The following TRDN variants were observed in gnomAD, a reference collection of about 807,000 sequenced individuals.
TRDN encodes triadin, also known as triadin in skeletal muscle.
A neutral mutation model predicts 149.7 loss-of-function variants in TRDN; 161 were observed. The ratio of observed to expected loss-of-function variants is 1.08; its 90% CI spans 0.95 to 1.23. The LOEUF is 1.23. Among genes scored for constraint, TRDN ranks in the 50% most tolerant of loss-of-function variants. TRDN has a pLI of 0.00. For synonymous variants in TRDN, 294 were observed against 250.5 expected (o/e 1.17, Z -1.64); for missense variants, 896 against 823.5 (o/e 1.09, Z -1.08).
chr6:123,288,132 A>G (rs1400331144), intron 24 of TRDN, among the ~76,000 whole-genome samples: 1 of 152,104 alleles, frequency 6.6e-6, no homozygotes, highest in Non-Finnish European at 1.5e-5. Context: ...CCAAAAACAC[A>G]CAATAGGAAA....
chr6:123,558,974 CA>C (rs1452935833), intron 2 of TRDN, among the ~76,000 whole-genome samples: 3 of 152,244 alleles, frequency 2.0e-5, no homozygotes, highest in Admixed American at 1.3e-4. Flanking sequence ...TCCTCCTAAG[CA>C]GTGTGCCATC....
intron 9 of TRDN, among the ~76,000 whole-genome samples, chr6:123,486,806 A>G (rs1028005872): frequency 2.0e-5 from 3 of 151,944 alleles, no homozygotes; most frequent in Non-Finnish European, 4.4e-5. Flanking sequence ...ATCTACATCT[A>G]CTAGGAACTT....
At chr6:123,579,247 T>C (rs760923826) in intron 1 of TRDN, among the ~76,000 whole-genome samples, 6 of 152,196 alleles carry the variant, frequency 3.9e-5, no homozygotes, top group Non-Finnish European at 7.3e-5. Flanking sequence ...TTCCAGATTT[T>C]GCCCCATCAG....
At chr6:123,590,770 A>T (rs1024480714) in intron 1 of TRDN, among the ~76,000 whole-genome samples, 2 of 152,144 alleles carry the variant, frequency 1.3e-5, no homozygotes, top group Non-Finnish European at 2.9e-5. Context: ...CTCAAAAAAA[A>T]TAATAATGAT....
intron 7 of TRDN, among the ~76,000 whole-genome samples, chr6:123,506,681 G>C (rs1163875586): frequency 6.6e-6 from 1 of 151,846 alleles, no homozygotes; most frequent in Admixed American, 6.6e-5. Flanking sequence ...TAGAGATGGG[G>C]TTTCACCATG....
At chr6:123,418,126 G>A (rs1244120105) in intron 12 of TRDN, among the ~76,000 whole-genome samples, 1 of 152,124 alleles carries the variant, frequency 6.6e-6, no homozygotes, top group African/African-American at 2.4e-5. Flanking sequence ...TGACCCAGAG[G>A]TAGCTTGTCA....
chr6:123,572,128 A>G (rs1224565643), intron 1 of TRDN, among the ~76,000 whole-genome samples: 1 of 152,080 alleles, frequency 6.6e-6, no homozygotes, highest in East Asian at 1.9e-4. Context: ...TGATGTTTAA[A>G]ATTTTTGCAA....
chr6:123,233,274 C>G lies in TRDN; in HGVS notation c.1976-9143G>C, dbSNP rs76528631. 5.5e-3 allele frequency among the ~76,000 whole-genome samples: 836 copies of G among 152,138 alleles called. 28 individuals are homozygous for G. In the South Asian group the frequency reaches 0.077, roughly 14 times the overall value. On this transcript the variant is annotated intron_variant, in intron 38 of 40. Transcript: ENST00000334268. ...TTTAGCTCTCAGGTGTGAGAAGCTCCTTCAATATGTGCTATTATTTAAAGT... is the reference window on the plus strand; with the variant it reads ...TTTAGCTCTCAGGTGTGAGAAGCTCGTTCAATATGTGCTATTATTTAAAGT...
At chr6:123,300,911 G>A (rs1350727356) in intron 24 of TRDN, among the ~76,000 whole-genome samples, 1 of 135,108 alleles carries the variant, frequency 7.4e-6, no homozygotes, top group Non-Finnish European at 1.5e-5. Context: ...CCCTTTTAAC[G>A]AATTAAGAAA....
intron 12 of TRDN, among the ~76,000 whole-genome samples, chr6:123,429,675 G>A (rs879926420): frequency 2.6e-5 from 4 of 151,966 alleles, no homozygotes; most frequent in Admixed American, 6.6e-5. Context: ...AAAAATAACT[G>A]GTGTCTAACT....
At position 123,475,847 on chromosome 6, in the gene TRDN, G is replaced by A. The variant is rs943826786; in HGVS notation, c.854-10864C>T. Among the ~76,000 whole-genome samples the A allele has an allele frequency of 4.6e-5, 7 of 152,150 alleles. No homozygotes were observed. The East Asian group carries it at 5.8e-4, about 13-fold the overall frequency. On this transcript the variant is annotated intron_variant, in intron 9 of 40. Transcript: ENST00000334268. ...AATAGATGCAGAAAAAGCCTTCAAC[G>A]AAATTCAGCAACCCGTCATGCTAAA...
At position 123,338,772 on chromosome 6, in the gene TRDN, T is replaced by C. The variant is rs923504829; in HGVS notation, c.1370-1103A>G. On this transcript the variant is annotated intron_variant, in intron 21 of 40. Coordinates refer to ENST00000334268, the MANE Select transcript of TRDN (RefSeq NM_006073.4). ...ACTAAGTTTTGAAATGGCCTGTATG[T>C]AGAAATAGTTGTGAAAAGGTAGTTA... 3.9e-4 allele frequency among the ~76,000 whole-genome samples: 60 copies of C among 152,154 alleles called. 1 individual carries two copies. The highest frequency in any genetic ancestry group is 3.9e-3 in the Admixed American group (60 of 15,256).
At position 123,266,643 on chromosome 6, in the gene TRDN, AT is replaced by A. The variant is rs1441437499; in HGVS notation, c.1783+1063del. Among the ~76,000 whole-genome samples the A allele has an allele frequency of 2.0e-4, 5 of 24,732 alleles. 2 individuals are homozygous for A. The highest frequency in any genetic ancestry group is 2.6e-3 in the Admixed American group (2 of 770). The allele number at this position is 24,732 out of a possible 152,430, so 16.2% of individuals were successfully genotyped here. ...TAATATATATTATAATATGTATTATATTATAATAATATGTATAATATGTATA... is the reference window on the plus strand; with the variant it reads ...TAATATATATTATAATATGTATTATATATAATAATATGTATAATATGTATA... On this transcript the variant is annotated intron_variant, in intron 32 of 40. Transcript: ENST00000334268.
intron 20 of TRDN, 58 bp from the exon 21 acceptor site, chr6:123,352,644 C>A (rs1780511854): frequency 6.5e-7 from 1 of 1,549,500 alleles, no homozygotes; most frequent in South Asian, 1.2e-5. Context: ...TGCTTCTGCT[C>A]AAAAAAAGCA....
At chr6:123,440,010 C>T (rs780358192) in intron 10 of TRDN, among the ~76,000 whole-genome samples, 40 of 152,268 alleles carry the variant, frequency 2.6e-4, no homozygotes, top group Admixed American at 4.6e-4. Flanking sequence ...TTACCCAGAA[C>T]TATTATAAGA....
chr6:123,294,168 C>T (rs963048192), intron 24 of TRDN, among the ~76,000 whole-genome samples: 1 of 152,136 alleles, frequency 6.6e-6, no homozygotes, highest in African/African-American at 2.4e-5. Context: ...AAACATGCTA[C>T]ACATATATTA....
intron 10 of TRDN, among the ~76,000 whole-genome samples, chr6:123,455,895 T>C (rs1039113786): frequency 2.0e-5 from 3 of 152,188 alleles, no homozygotes; most frequent in Non-Finnish European, 4.4e-5. Context: ...TAATTGGAAA[T>C]GGATTGCAAG....
chr6:123,474,232 A>T (rs554658094), intron 9 of TRDN, among the ~76,000 whole-genome samples: 2 of 152,286 alleles, frequency 1.3e-5, no homozygotes, highest in South Asian at 4.2e-4. Flanking sequence ...GGCTCAAAAT[A>T]AAAGGATGGA....
At chr6:123,435,496 GTCTCTC>G (rs34601296) in intron 12 of TRDN, among the ~76,000 whole-genome samples, 11 of 148,740 alleles carry the variant, frequency 7.4e-5, no homozygotes, top group South Asian at 2.1e-4. Flanking sequence ...CAATCTCTCT[GTCTCTC>G]TCTCTCTCTC....
Sources: allele counts gnomAD v4.1 joint callset (sites outside exome capture counted in the v4.1 genomes callset), GRCh38; gene constraint gnomAD v4.1.1; transcripts MANE v1.5; gene names NCBI Gene and HGNC (gene_info 2026-07-23, HGNC 2026-07-21).